RETREG1: variants seen among roughly 807,000 people sequenced by gnomAD.
RETREG1 encodes the protein family with sequence similarity 134 member B.
Under a neutral mutation model 54.8 loss-of-function variants are expected in RETREG1, and 44 were observed. The ratio of observed to expected loss-of-function variants is 0.80; its 90% confidence interval spans 0.63 to 1.03. RETREG1 has a LOEUF of 1.03. Ranked by LOEUF, RETREG1 falls within the 50% of genes least tolerant of loss-of-function variation. RETREG1 has a pLI of 0.00. For missense variants in RETREG1, 554 were observed against 605.1 expected (o/e 0.92, Z 0.89); for synonymous variants, 217 against 238.5 (o/e 0.91, Z 0.83).
intron 3 of RETREG1, among the ~76,000 whole-genome samples, chr5:16,548,280 T>A (rs936052268): frequency 1.3e-5 from 2 of 152,188 alleles, no homozygotes; most frequent in African/African-American, 4.8e-5. Flanking sequence ...TGCTTAGGCC[T>A]CCTGGTTATC....
In RETREG1 at chr5:16,616,932, A is replaced by G. The variant is rs1230054953; in HGVS notation, c.40T>C (p.Cys14Arg). Residue 14 changes from cysteine to arginine, a missense_variant, in exon 1 of 9, where the codon TGC becomes CGC. Coordinates refer to ENST00000306320, the MANE Select transcript of RETREG1 (RefSeq NM_001034850.3). ...PAPPEHAEEG[C>R]PAPAAEEQAP... ...TGCTCCTCGGCGGCAGGAGCCGGGC[A>G]TCCCTCCTCGGCGTGCTCCGGAGGC... The G allele has an allele frequency of 1.4e-5, 20 of 1,474,846 alleles. No homozygotes were observed. The South Asian group carries it at 2.3e-4, about 17-fold the overall frequency. The allele number at this position is 1,474,846 out of a possible 1,614,324, so 91.4% of individuals were successfully genotyped here.
chr5:16,616,985 T>G lies in RETREG1; in HGVS notation c.-14A>C. On this transcript the variant is annotated 5_prime_UTR_variant, in exon 1 of 9. Coordinates refer to ENST00000306320, the MANE Select transcript of RETREG1 (RefSeq NM_001034850.3). ...CGGGCTCGCCATCTTCAGCTGTGCT[T>G]CCAGACAGGGACGGGGCCGGGCGCG... 1.4e-6 allele frequency: 2 copies of G among 1,381,060 alleles called. No individual in the cohort carries two copies. The highest frequency in any genetic ancestry group is 1.9e-6 in the Non-Finnish European group (2 of 1,069,740). The allele number at this position is 1,381,060 out of a possible 1,614,324, so 85.6% of individuals were successfully genotyped here.
At chr5:16,511,969 A>G (rs1401980082) in intron 3 of RETREG1, among the ~76,000 whole-genome samples, 1 of 152,134 alleles carries the variant, frequency 6.6e-6, no homozygotes, top group East Asian at 1.9e-4. Context: ...TTTAGTGGGG[A>G]CACAGATCCA....
intron 1 of RETREG1, among the ~76,000 whole-genome samples, chr5:16,610,242 C>T (rs533756155): frequency 2.6e-5 from 4 of 152,306 alleles, no homozygotes; most frequent in Admixed American, 6.5e-5. Flanking sequence ...CAGCCTGAGA[C>T]GCCTGAAAAG....
At chr5:16,614,211 C>T (rs116536352) in intron 1 of RETREG1, among the ~76,000 whole-genome samples, 2,629 of 150,900 alleles carry the variant, frequency 0.017, 84 homozygotes, top group African/African-American at 0.06. Context: ...TATGCAAAAA[C>T]ATTATTTTCA....
intron 1 of RETREG1, among the ~76,000 whole-genome samples, chr5:16,607,006 C>T (rs1043635443): frequency 3.3e-5 from 5 of 152,092 alleles, no homozygotes; most frequent in African/African-American, 1.2e-4. Flanking sequence ...TGTGCCATTC[C>T]CTCTGCCTGG....
At chr5:16,549,323 G>A (rs1482785566) in intron 3 of RETREG1, among the ~76,000 whole-genome samples, 1 of 152,124 alleles carries the variant, frequency 6.6e-6, no homozygotes, top group African/African-American at 2.4e-5. Flanking sequence ...TCTACACAGA[G>A]AGCACAAACA....
intron 3 of RETREG1, among the ~76,000 whole-genome samples, chr5:16,505,057 C>A (rs533969565): frequency 1.3e-5 from 2 of 152,182 alleles, no homozygotes; most frequent in African/African-American, 4.8e-5. Flanking sequence ...AATGACGTTT[C>A]GGCTTTAAAA....
At chr5:16,512,620 A>G (rs561549974) in intron 3 of RETREG1, among the ~76,000 whole-genome samples, 1 of 151,706 alleles carries the variant, frequency 6.6e-6, no homozygotes, top group East Asian at 2.0e-4. Flanking sequence ...TGCTTTGATT[A>G]AAGCTCTGGA....
chr5:16,559,506 A>T (rs994100), intron 3 of RETREG1, among the ~76,000 whole-genome samples: 52,124 of 152,030 alleles, frequency 0.34, 10,251 homozygotes, highest in Non-Finnish European at 0.44. Context: ...CTATCAGAAA[A>T]TCCGATAGCT....
At chr5:16,582,325 G>A (rs992306212) in intron 1 of RETREG1, among the ~76,000 whole-genome samples, 5 of 152,174 alleles carry the variant, frequency 3.3e-5, no homozygotes, top group Non-Finnish European at 5.9e-5. Flanking sequence ...TTTGGCTTGT[G>A]ATGACCACGG....
chr5:16,513,404 G>T (rs1488988559), intron 3 of RETREG1, among the ~76,000 whole-genome samples: 1 of 152,178 alleles, frequency 6.6e-6, no homozygotes, highest in Non-Finnish European at 1.5e-5. Flanking sequence ...CTTTAGAGCC[G>T]CAACAGCTAC....
chr5:16,481,301 G>T (rs968510519), intron 4 of RETREG1, among the ~76,000 whole-genome samples: 98 of 152,032 alleles, frequency 6.4e-4, no homozygotes, highest in Non-Finnish European at 3.7e-4. Context: ...TCAACACTTG[G>T]TAATAATTAT....
chr5:16,496,027 G>T (rs530859054), intron 3 of RETREG1, among the ~76,000 whole-genome samples: 1 of 151,960 alleles, frequency 6.6e-6, no homozygotes, highest in South Asian at 2.1e-4. Flanking sequence ...ATTTAAAAAA[G>T]GAGCAAGGAT....
chr5:16,482,817 C>T (rs1738839011), intron 4 of RETREG1, among the ~76,000 whole-genome samples: 1 of 152,082 alleles, frequency 6.6e-6, no homozygotes, highest in African/African-American at 2.4e-5. Context: ...AAGACACTTC[C>T]CCCTCATGGG....
intron 3 of RETREG1, among the ~76,000 whole-genome samples, chr5:16,487,539 A>G (rs1344715392): frequency 6.6e-6 from 1 of 152,238 alleles, no homozygotes; most frequent in Non-Finnish European, 1.5e-5. Flanking sequence ...CTACATGGCC[A>G]TGCCATCTAT....
chr5:16,599,663 T>C (rs775425617), intron 1 of RETREG1, among the ~76,000 whole-genome samples: 5 of 152,234 alleles, frequency 3.3e-5, no homozygotes, highest in Non-Finnish European at 5.9e-5. Context: ...GACTGCTCTC[T>C]GCTCTGCTGG....
At chr5:16,570,381 C>T (rs1420171612) in intron 2 of RETREG1, among the ~76,000 whole-genome samples, 1 of 152,196 alleles carries the variant, frequency 6.6e-6, no homozygotes, top group African/African-American at 2.4e-5. Flanking sequence ...GAGAAAAAGA[C>T]AGTTGCAAAG....
chr5:16,521,545 G>C (rs1478352156), intron 3 of RETREG1, among the ~76,000 whole-genome samples: 1 of 152,184 alleles, frequency 6.6e-6, no homozygotes, highest in Non-Finnish European at 1.5e-5. Flanking sequence ...AAGTCTCACT[G>C]CTCTTAGCAA....
Sources: allele counts gnomAD v4.1 joint callset (sites outside exome capture counted in the v4.1 genomes callset), GRCh38; gene constraint gnomAD v4.1.1; transcripts MANE v1.5; gene names NCBI Gene and HGNC (gene_info 2026-07-23, HGNC 2026-07-21).